The following ERI1 variants were observed in gnomAD, a reference collection of about 807,000 sequenced individuals.
ERI1 encodes 3'-5' exoribonuclease 1.
ERI1 carries 39 observed loss-of-function variants against 39.7 expected under a neutral mutation model. The observed-to-expected ratio is 0.98, with a 90% confidence interval of 0.76 to 1.28. ERI1 has a LOEUF of 1.28. Among genes scored for constraint, ERI1 ranks in the 50% most tolerant of loss-of-function variants. The probability of loss-of-function intolerance (pLI) is 0.00; values close to 1 mark genes in which losing one functional copy is unlikely to be tolerated. For synonymous variants in ERI1, 204 were observed against 149.6 expected (o/e 1.36, Z -2.65); for missense variants, 581 against 416.9 (o/e 1.39, Z -3.43).
chr8:9,077,825 C>T (rs1319226477), intron 3 of ERI1, among the ~76,000 whole-genome samples: 2 of 152,198 alleles, frequency 1.3e-5, no homozygotes, highest in Non-Finnish European at 2.9e-5. Flanking sequence ...TCCGCAGGTA[C>T]TCTCTGTTTG....
At chr8:9,016,527 G>A in intron 4 of ERI1, 122 bp downstream of exon 4, 2 of 423,760 alleles carry the variant, frequency 4.7e-6, no homozygotes, top group South Asian at 7.2e-5. Flanking sequence ...GCTTGGTAAA[G>A]ATCTTTCATG....
intron 6 of ERI1, among the ~76,000 whole-genome samples, chr8:9,024,615 G>T (rs964610504): frequency 6.6e-5 from 10 of 151,964 alleles, no homozygotes; most frequent in African/African-American, 2.4e-4. Flanking sequence ...GTAGAGACTG[G>T]CTTTCACTAT....
chr8:9,035,499 C>T (rs766330386), downstream of ERI1, among the ~76,000 whole-genome samples: 3 of 152,118 alleles, frequency 2.0e-5, no homozygotes, highest in Non-Finnish European at 4.4e-5. Flanking sequence ...AATGACAGCA[C>T]ATCTGTTTAC....
chr8:9,072,881 G>A (rs1799099336), intron 3 of ERI1, among the ~76,000 whole-genome samples: 1 of 152,172 alleles, frequency 6.6e-6, no homozygotes, highest in Admixed American at 6.5e-5. Context: ...TAGTCTTGAG[G>A]ACCTCCTCAG....
intron 4 of ERI1, 55 bp downstream of exon 4, chr8:9,016,460 A>T: frequency 1.8e-6 from 2 of 1,093,222 alleles, no homozygotes; most frequent in Non-Finnish European, 2.7e-6. Context: ...GAAATTAGGG[A>T]TTTATTTTAT....
In ERI1 at chr8:9,095,841, CTG is replaced by C. The variant is rs959682982; in HGVS notation, n.300-20503_300-20502del. On this transcript the variant is annotated intron_variant and non_coding_transcript_variant, in intron 3 of 3. Transcript: ENST00000518663. ...GATGTTTATATAATAGAAGTTTGCT[CTG>C]TGTTTAAGGATCATCTGTAGGGGTG... Among the ~76,000 whole-genome samples the C allele has an allele frequency of 2.8e-4, 42 of 152,020 alleles. 1 individual carries two copies. The highest frequency in any genetic ancestry group is 1.0e-4 in the Non-Finnish European group (7 of 68,018).
intron 3 of ERI1, among the ~76,000 whole-genome samples, chr8:9,073,651 AATTAT>A (rs201064451): frequency 0.013 from 2,046 of 152,302 alleles, 21 homozygotes; most frequent in Middle Eastern, 0.041. Flanking sequence ...GTCGCTGAAA[AATTAT>A]ATTCTTCTGG....
intron 2 of ERI1, 121 bp from the exon 3 acceptor site, chr8:9,011,421 A>C (rs1009463970): frequency 3.8e-6 from 2 of 525,904 alleles, no homozygotes; most frequent in Non-Finnish European, 6.7e-6. Flanking sequence ...CATTTATTTT[A>C]GCTAGCATTT....
At chr8:9,064,605 G>C (rs935060987) in intron 3 of ERI1, among the ~76,000 whole-genome samples, 3 of 152,200 alleles carry the variant, frequency 2.0e-5, no homozygotes, top group Non-Finnish European at 4.4e-5. Flanking sequence ...TTGAGGGATA[G>C]TGAGAGAGGT....
intron 6 of ERI1, among the ~76,000 whole-genome samples, chr8:9,023,793 CTTTTT>C (rs3083379): frequency 7.4e-5 from 6 of 80,546 alleles, no homozygotes; most frequent in African/African-American, 1.0e-4. Flanking sequence ...GTAAAAATGA[CTTTTT>C]TTTTTTTTTT....
At chr8:9,078,454 G>C (rs1799273368) in intron 3 of ERI1, among the ~76,000 whole-genome samples, 1 of 151,958 alleles carries the variant, frequency 6.6e-6, no homozygotes, top group African/African-American at 2.4e-5. Context: ...CATAACCATA[G>C]AGCTAATACT....
At chr8:9,019,266 C>A (rs1027174944) in intron 5 of ERI1, among the ~76,000 whole-genome samples, 4 of 152,202 alleles carry the variant, frequency 2.6e-5, no homozygotes, top group Non-Finnish European at 5.9e-5. Context: ...CTGTTTCAAA[C>A]TGTGCAGGTT....
chr8:9,061,914 A>G (rs1798710909), intron 3 of ERI1, among the ~76,000 whole-genome samples: 2 of 151,912 alleles, frequency 1.3e-5, no homozygotes, highest in Admixed American at 6.6e-5. Context: ...AATAGTAAAG[A>G]AAGCATGTTT....
rs552296678 is a variant in ERI1 at position 9,030,086 on chromosome 8, C to T, written c.*52C>T. ...AATTGAAGTTGCTATGAAGAGGTAG[C>T]AGATGAATCTCATTGAATTAGTCCT... On this transcript the variant is annotated 3_prime_UTR_variant, in exon 7 of 7. Coordinates refer to ENST00000250263, the MANE Select transcript of ERI1 (RefSeq NM_153332.4). The T allele has an allele frequency of 6.2e-6, 10 of 1,600,140 alleles. No individual in the cohort carries two copies. In the South Asian group the frequency reaches 8.9e-5, roughly 14 times the overall value.
At chr8:9,005,783 C>T (rs1815949422) in intron 1 of ERI1, among the ~76,000 whole-genome samples, 1 of 152,174 alleles carries the variant, frequency 6.6e-6, no homozygotes, top group Non-Finnish European at 1.5e-5. Context: ...CGTGAGCCAA[C>T]GCGCCCGGCC....
In ERI1 at chr8:9,029,434, T is replaced by C. The variant is rs144122270; in HGVS notation, c.808-358T>C. Among the ~76,000 whole-genome samples, 456 of 152,266 alleles carry C rather than the reference T, an allele frequency of 3.0e-3. 2 individuals are homozygous for C. The highest frequency in any genetic ancestry group is 0.011 in the African/African-American group (441 of 41,546). On this transcript the variant is annotated intron_variant, in intron 6 of 6. Coordinates refer to ENST00000250263, the MANE Select transcript of ERI1 (RefSeq NM_153332.4). ...GCCTCCACCTCCCAGGTTCAGGCAG[T>C]TCTCCTGCCTCAGCCTCCCAGGTAG... is the stretch of plus-strand genomic sequence containing the variant.
chr8:9,090,451 C>G (rs1040223666), intron 3 of ERI1, among the ~76,000 whole-genome samples: 3 of 152,158 alleles, frequency 2.0e-5, no homozygotes, highest in African/African-American at 7.2e-5. Context: ...AGGGTACTTA[C>G]TCTAGCTTAT....
intron 3 of ERI1, among the ~76,000 whole-genome samples, chr8:9,084,908 A>G (rs545313984): frequency 1.3e-5 from 2 of 152,332 alleles, no homozygotes; most frequent in East Asian, 3.9e-4. Context: ...TTGTATGAAT[A>G]TGATGATTTA....
At chr8:9,038,040 G>C (rs1454091595), downstream of ERI1, among the ~76,000 whole-genome samples, 1 of 152,066 alleles carries the variant, frequency 6.6e-6, no homozygotes, top group Admixed American at 6.5e-5. Flanking sequence ...AAAGGAAACT[G>C]TACCTATTTG....
Sources: allele counts gnomAD v4.1 joint callset (sites outside exome capture counted in the v4.1 genomes callset), GRCh38; gene constraint gnomAD v4.1.1; transcripts MANE v1.5; gene names NCBI Gene and HGNC (gene_info 2026-07-23, HGNC 2026-07-21).